The following CDH12 variants were observed in gnomAD, a reference collection of about 807,000 sequenced individuals.
CDH12 encodes cadherin-12.
Under a neutral mutation model 74.1 loss-of-function variants are expected in CDH12, and 41 were observed. The ratio of observed to expected loss-of-function variants is 0.55; its 90% CI spans 0.43 to 0.72. The LOEUF is 0.72. Ranked by LOEUF, CDH12 falls within the 30% of genes least tolerant of loss-of-function variation. The probability of loss-of-function intolerance (pLI) is 0.00; values close to 1 mark genes in which losing one functional copy is unlikely to be tolerated. For missense variants in CDH12, 945 were observed against 977.2 expected (o/e 0.97, Z 0.44); for synonymous variants, 399 against 355.0 (o/e 1.12, Z -1.39).
chr5:22,461,563 G>A (rs1044491977), intron 2 of CDH12, among the ~76,000 whole-genome samples: 1 of 151,290 alleles, frequency 6.6e-6, no homozygotes, highest in African/African-American at 2.4e-5. Context: ...ACATATTAGT[G>A]AACACAGTAA....
intron 5 of CDH12, among the ~76,000 whole-genome samples, chr5:22,030,125 G>T (rs1435545576): frequency 6.8e-6 from 1 of 146,942 alleles, no homozygotes; most frequent in African/African-American, 2.5e-5. Context: ...GGGTGGGGGG[G>T]AGGGGGGAAG....
At chr5:21,804,643 A>AAC (rs11281181) in intron 9 of CDH12, among the ~76,000 whole-genome samples, 190 of 115,352 alleles carry the variant, frequency 1.6e-3, no homozygotes, top group African/African-American at 3.0e-3. Context: ...AGTGAATTAA[A>AAC]ACACACACAC....
chr5:21,800,294 G>A (rs1013144183), intron 10 of CDH12, among the ~76,000 whole-genome samples: 1 of 152,016 alleles, frequency 6.6e-6, no homozygotes, highest in African/African-American at 2.4e-5. Context: ...GGGGCCCTTA[G>A]GATGTCTGCA....
At chr5:22,201,451 T>A (rs1303444049) in intron 4 of CDH12, among the ~76,000 whole-genome samples, 1 of 152,204 alleles carries the variant, frequency 6.6e-6, no homozygotes, top group Non-Finnish European at 1.5e-5. Context: ...TTCTCACTTA[T>A]AAGTAGGCAC....
intron 8 of CDH12, among the ~76,000 whole-genome samples, chr5:21,838,973 C>T (rs1749691319): frequency 1.3e-5 from 2 of 152,158 alleles, no homozygotes; most frequent in South Asian, 4.1e-4. Flanking sequence ...AGGATATTGA[C>T]ATTACCTAAT....
chr5:22,352,064 A>G (rs1161959335), intron 3 of CDH12, among the ~76,000 whole-genome samples: 1 of 151,980 alleles, frequency 6.6e-6, no homozygotes, highest in Non-Finnish European at 1.5e-5. Flanking sequence ...TAGAAATCAA[A>G]ATTATTACAA....
chr5:21,855,676 G>T (rs13188975), intron 6 of CDH12, among the ~76,000 whole-genome samples: 1 of 151,476 alleles, frequency 6.6e-6, no homozygotes. Context: ...ACACATACAC[G>T]TGTACATCCA....
At chr5:22,390,848 C>A (rs1191540482) in intron 3 of CDH12, among the ~76,000 whole-genome samples, 1 of 152,020 alleles carries the variant, frequency 6.6e-6, no homozygotes, top group Non-Finnish European at 1.5e-5. Flanking sequence ...ATAAGTATGT[C>A]CAATGCCGGT....
chr5:22,229,794 T>A (rs1445091188), intron 3 of CDH12, among the ~76,000 whole-genome samples: 1 of 152,106 alleles, frequency 6.6e-6, no homozygotes, highest in Admixed American at 6.6e-5. Context: ...ATACTCTGTA[T>A]TTAATGTGCT....
At chr5:21,838,463 G>C (rs1245637378) in intron 8 of CDH12, among the ~76,000 whole-genome samples, 4 of 152,108 alleles carry the variant, frequency 2.6e-5, no homozygotes, top group African/African-American at 7.2e-5. Flanking sequence ...GGGAGGCTGA[G>C]ACAGGAGAAT....
At chr5:22,012,131 C>T (rs1737334856) in intron 5 of CDH12, among the ~76,000 whole-genome samples, 1 of 124,114 alleles carries the variant, frequency 8.1e-6, no homozygotes, top group Non-Finnish European at 1.6e-5. Flanking sequence ...TTGATTTAAA[C>T]AACTAGAGAT....
At chr5:22,738,404 G>T (rs1369184161) in intron 1 of CDH12, among the ~76,000 whole-genome samples, 1 of 151,974 alleles carries the variant, frequency 6.6e-6, no homozygotes, top group African/African-American at 2.4e-5. Context: ...GACAATGTCT[G>T]CTTTGTCCAT....
chr5:22,310,665 C>T (rs559035690), intron 3 of CDH12, among the ~76,000 whole-genome samples: 2 of 152,200 alleles, frequency 1.3e-5, no homozygotes, highest in Admixed American at 1.3e-4. Flanking sequence ...TCTTGTTATC[C>T]ACATGACCAC....
intron 3 of CDH12, among the ~76,000 whole-genome samples, chr5:22,380,651 T>G (rs1741722347): frequency 1.3e-5 from 2 of 152,166 alleles, no homozygotes; most frequent in Admixed American, 1.3e-4. Flanking sequence ...TTACTAAATC[T>G]GTGTCTATTT....
chr5:22,408,402 G>A (rs1026913130), intron 2 of CDH12, among the ~76,000 whole-genome samples: 28 of 151,738 alleles, frequency 1.8e-4, no homozygotes, highest in Non-Finnish European at 7.4e-5. Flanking sequence ...ACCAACGTAA[G>A]TCACCTATCC....
intron 5 of CDH12, among the ~76,000 whole-genome samples, chr5:22,028,978 C>G (rs1454479064): frequency 6.6e-6 from 1 of 152,154 alleles, no homozygotes; most frequent in Non-Finnish European, 1.5e-5. Context: ...GCGATCTGAT[C>G]TTTGACAAAC....
intron 4 of CDH12, chr5:22,141,590 T>C (rs1746799047): frequency 6.6e-6 from 1 of 152,056 alleles, no homozygotes; most frequent in Non-Finnish European, 1.5e-5. Context: ...CTTTTGGGGT[T>C]TTTTCCATGA....
chr5:22,822,471 G>C (rs1032767154), intron 1 of CDH12, among the ~76,000 whole-genome samples: 4 of 151,966 alleles, frequency 2.6e-5, no homozygotes, highest in Non-Finnish European at 5.9e-5. Flanking sequence ...GAAAATTTTC[G>C]CAACCTACTC....
intron 1 of CDH12, among the ~76,000 whole-genome samples, chr5:22,683,715 C>CTTGTAAT (rs1194044957): frequency 4.6e-5 from 7 of 152,122 alleles, no homozygotes; most frequent in Non-Finnish European, 7.4e-5. Context: ...GGACAAATAA[C>CTTGTAAT]TTGTAATGAA....
Sources: gnomAD v4.1 joint callset for allele counts (sites outside exome capture counted in the v4.1 genomes callset) on GRCh38, gnomAD v4.1.1 for gene constraint, MANE v1.5 for transcripts, NCBI Gene and HGNC (gene_info 2026-07-23, HGNC 2026-07-21) for gene names.